DPP6: variants seen among roughly 807,000 people sequenced by gnomAD.
The protein encoded by DPP6 is dipeptidyl peptidase like 6, also known as A-type potassium channel modulatory protein DPP6.
Under a neutral mutation model 122.6 loss-of-function variants are expected in DPP6, and 69 were observed. That is an observed-to-expected ratio of 0.56 (90% CI 0.46 to 0.69). The LOEUF (loss-of-function observed/expected upper bound fraction) is 0.69. Among genes scored for constraint, DPP6 ranks in the 30% least tolerant of loss-of-function variants. The probability of loss-of-function intolerance (pLI) is 0.00; values close to 1 mark genes in which losing one functional copy is unlikely to be tolerated. For missense variants in DPP6, 928 were observed against 1,116.9 expected, an observed-to-expected ratio of 0.83 and a Z score of 2.41; for synonymous variants, 418 against 433.1, an observed-to-expected ratio of 0.97 and a Z score of 0.43.
At chr7:154,240,950 G>A (rs966184960) in intron 1 of DPP6, among the ~76,000 whole-genome samples, 5 of 152,012 alleles carry the variant, frequency 3.3e-5, no homozygotes, top group Non-Finnish European at 4.4e-5. Context: ...TGATTTATTG[G>A]TGGCCTGGAC....
intron 1 of DPP6, among the ~76,000 whole-genome samples, chr7:154,107,557 G>A (rs1411037764): frequency 6.6e-6 from 1 of 152,156 alleles, no homozygotes; most frequent in Non-Finnish European, 1.5e-5. Flanking sequence ...GCTGAGAGTA[G>A]ATTTTAAATA....
rs1411444700 is a variant in DPP6, at chr7:154,877,138, C to T, written c.2078+1038C>T. 2 of 152,186 alleles carry T rather than the reference C, an allele frequency of 1.3e-5. No individual in the cohort carries two copies. Among genetic ancestry groups the T allele is most frequent in the Non-Finnish European group, 2.9e-5 (2 of 68,052 alleles). 9.4% of individuals were successfully genotyped at this position (152,186 alleles called of 1,614,324 possible). ...AACTGACTTTGAAAACATTTCTCCT[C>T]ATTTTGAAAAAGATTGACGGCCCTG... On this transcript the variant is annotated intron_variant, in intron 20 of 25. Coordinates refer to ENST00000377770, the MANE Select transcript of DPP6 (RefSeq NM_130797.4). The surrounding 1 kb of genome is among the most constrained non-coding windows in gnomAD (Gnocchi z 5.2).
Position 154,794,359 on chromosome 7 carries a change from G to A in DPP6, c.1260+157G>A, listed in dbSNP as rs145396984. Among the ~76,000 whole-genome samples, 1,231 of 152,316 alleles carry A rather than the reference G, an allele frequency of 8.1e-3. 16 individuals are homozygous for A. Among genetic ancestry groups the A allele is most frequent in the African/African-American group, 0.028 (1,166 of 41,572 alleles). On this transcript the variant is annotated intron_variant, in intron 11 of 25. Transcript: ENST00000377770. ...GCCCGCGGCGCAGAGTCCCGGCTCC[G>A]GCGTGGCTGCCACCTCGTGGCTGGT...
intron 21 of DPP6, among the ~76,000 whole-genome samples, chr7:154,882,790 A>C (rs1300180195): frequency 6.6e-6 from 1 of 152,216 alleles, no homozygotes; most frequent in African/African-American, 2.4e-5. Context: ...GGACGTGTGG[A>C]GTTCACTGAC....
chr7:154,887,497 A>C (rs770441424), intron 22 of DPP6, among the ~76,000 whole-genome samples, 179 bp from the exon 23 acceptor site: 1 of 152,220 alleles, frequency 6.6e-6, no homozygotes, highest in Non-Finnish European at 1.5e-5. Flanking sequence ...CCCCTTGTAA[A>C]GACCCAAATG....
chr7:154,757,474 A>G (rs1795203062), intron 8 of DPP6, among the ~76,000 whole-genome samples: 1 of 152,184 alleles, frequency 6.6e-6, no homozygotes. Flanking sequence ...TGGGATCAAT[A>G]GTCATTGATT....
chr7:154,743,581 G>C (rs1262163256), intron 8 of DPP6, among the ~76,000 whole-genome samples: 1 of 152,220 alleles, frequency 6.6e-6, no homozygotes, highest in African/African-American at 2.4e-5. Context: ...GCCAGGGCTA[G>C]AGGTGATTAG....
At chr7:154,390,527 T>C (rs1317700738) in intron 1 of DPP6, among the ~76,000 whole-genome samples, 1 of 152,212 alleles carries the variant, frequency 6.6e-6, no homozygotes, top group Non-Finnish European at 1.5e-5. Flanking sequence ...GATCTGCAGA[T>C]GTTTTAAATA....
At chr7:153,940,894 T>C (rs1215531145) in intron 1 of DPP6, among the ~76,000 whole-genome samples, 1 of 152,138 alleles carries the variant, frequency 6.6e-6, no homozygotes, top group Non-Finnish European at 1.5e-5. Context: ...TCAACCAGAT[T>C]GCAGCTCCGA....
intron 1 of DPP6, among the ~76,000 whole-genome samples, chr7:153,900,417 C>T (rs548478089): frequency 6.6e-6 from 1 of 152,264 alleles, no homozygotes; most frequent in East Asian, 1.9e-4. Context: ...GTTCTGCAAG[C>T]TGTACAAGAA....
At chr7:154,237,380 A>G (rs1030489287) in intron 1 of DPP6, among the ~76,000 whole-genome samples, 4 of 152,356 alleles carry the variant, frequency 2.6e-5, no homozygotes, top group African/African-American at 9.6e-5. Flanking sequence ...CTTTATAACT[A>G]AATTCTGAAA....
At chr7:154,575,305 GTATGTGTGTGGTGTGTGTA>G (rs1831508527) in intron 5 of DPP6, among the ~76,000 whole-genome samples, 2 of 119,894 alleles carry the variant, frequency 1.7e-5, no homozygotes, top group African/African-American at 6.3e-5. Flanking sequence ...TGTGGGGGGT[GTATGTGTGTGGTGTGTGTA>G]TGTGTGTGTG....
intron 1 of DPP6, among the ~76,000 whole-genome samples, chr7:154,251,856 G>A (rs1002566760): frequency 6.6e-6 from 1 of 152,020 alleles, no homozygotes; most frequent in African/African-American, 2.4e-5. Flanking sequence ...ATTGAGGGTG[G>A]GTCTACCTCT....
intron 1 of DPP6, among the ~76,000 whole-genome samples, chr7:154,090,817 C>T (rs1181672353): frequency 6.7e-6 from 1 of 150,020 alleles, no homozygotes; most frequent in East Asian, 2.0e-4. Flanking sequence ...GTTTGTGTGG[C>T]TACTTTCAAA....
At chr7:154,673,883 T>C (rs1028803506) in intron 7 of DPP6, among the ~76,000 whole-genome samples, 1 of 112,358 alleles carries the variant, frequency 8.9e-6, no homozygotes, top group Non-Finnish European at 1.9e-5. Context: ...GTTTCTTTCT[T>C]TTTTTTTTTT....
intron 5 of DPP6, among the ~76,000 whole-genome samples, chr7:154,575,199 G>GTAT: frequency 8.9e-6 from 1 of 112,674 alleles, no homozygotes; most frequent in African/African-American, 3.4e-5. Flanking sequence ...TGGTGTGTGT[G>GTAT]GTGTCTGTGG....
rs908618278 is a variant in DPP6, at chr7:154,074,429, A to T, written c.243+21366A>T. ...GGCAACTTATTATAAAGTCTTAGTA[A>T]TTCTGATGACTATACCCCACATGGA... On this transcript the variant is annotated intron_variant, in intron 1 of 25. Transcript: ENST00000377770. Among the ~76,000 whole-genome samples the T allele has an allele frequency of 4.6e-5, 7 of 152,214 alleles. 1 individual carries two copies. The highest frequency in any genetic ancestry group is 1.2e-4 in the African/African-American group (5 of 41,458).
intron 3 of DPP6, among the ~76,000 whole-genome samples, chr7:154,479,570 A>AAAAAAAG (rs572938567): frequency 0.032 from 3,209 of 101,220 alleles, 72 homozygotes; most frequent in Middle Eastern, 0.051. Context: ...AAAAAAAAAA[A>AAAAAAAG]AAAAGAAAAG....
At chr7:154,079,074 T>G (rs1803797845) in intron 1 of DPP6, among the ~76,000 whole-genome samples, 2 of 151,556 alleles carry the variant, frequency 1.3e-5, no homozygotes, top group African/African-American at 4.9e-5. Flanking sequence ...CTGGCCAACA[T>G]GGTGAAACCC....
Sources: allele counts gnomAD v4.1 joint callset (sites outside exome capture counted in the v4.1 genomes callset), GRCh38; gene constraint gnomAD v4.1.1; non-coding constraint Gnocchi (gnomAD v3.1); transcripts MANE v1.5; gene names NCBI Gene and HGNC (gene_info 2026-07-23, HGNC 2026-07-21).